CCDC171: variants seen among roughly 807,000 people sequenced by gnomAD.
CCDC171 encodes the protein coiled-coil domain containing 171, also known as coiled-coil domain-containing protein 171.
A neutral mutation model predicts 168.2 loss-of-function variants in CCDC171; 177 were observed. The ratio of observed to expected loss-of-function variants is 1.05; its 90% CI spans 0.93 to 1.19. CCDC171 has a LOEUF of 1.19. CCDC171 is among the 50% of genes most tolerant of loss of function. The pLI, the probability that CCDC171 is intolerant of heterozygous loss-of-function variation, is 0.00. For missense variants in CCDC171, 1,991 were observed against 1,539.0 expected (o/e 1.29, Z -4.91); for synonymous variants, 687 against 540.8 (o/e 1.27, Z -3.75).
At chr9:15,889,359 T>C (rs1419798079) in intron 24 of CCDC171, among the ~76,000 whole-genome samples, 1 of 152,164 alleles carries the variant, frequency 6.6e-6, no homozygotes, top group Non-Finnish European at 1.5e-5. Context: ...AAAGGACATA[T>C]ACTGTTGTTT....
chr9:16,045,375 G>C (rs1387542605), intron 1 of CCDC171, among the ~76,000 whole-genome samples: 5 of 152,194 alleles, frequency 3.3e-5, no homozygotes, highest in Non-Finnish European at 7.3e-5. Flanking sequence ...TTGACATTTT[G>C]AGCTGATGAT....
At chr9:15,821,231 T>C (rs1774763624) in intron 21 of CCDC171, among the ~76,000 whole-genome samples, 1 of 117,550 alleles carries the variant, frequency 8.5e-6, no homozygotes, top group African/African-American at 3.2e-5. Context: ...CCCAGTATCA[T>C]ACTGAATGGA....
intron 6 of CCDC171, 43 bp from the exon 7 acceptor site, chr9:15,623,224 T>C (rs2044649442): frequency 1.4e-6 from 2 of 1,466,534 alleles, no homozygotes; most frequent in African/African-American, 2.8e-5. Context: ...TAGTCATTGA[T>C]GGCTTATAAA....
intron 18 of CCDC171, among the ~76,000 whole-genome samples, chr9:15,761,412 C>G (rs2056437727): frequency 1.3e-5 from 2 of 152,046 alleles, no homozygotes; most frequent in African/African-American, 4.8e-5. Context: ...AGTGCTGAGG[C>G]TTTATTGAAT....
At chr9:15,682,376 A>G (rs2050098277) in intron 10 of CCDC171, among the ~76,000 whole-genome samples, 1 of 151,980 alleles carries the variant, frequency 6.6e-6, no homozygotes, top group Admixed American at 6.6e-5. Context: ...TATAAAACAT[A>G]ATTTTGGAAA....
intron 25 of CCDC171, among the ~76,000 whole-genome samples, chr9:15,966,291 AAG>A (rs1254075711): frequency 6.6e-6 from 1 of 152,192 alleles, no homozygotes; most frequent in Non-Finnish European, 1.5e-5. Flanking sequence ...TCACCCAACA[AAG>A]AGCAGAATTG....
chr9:15,910,880 TC>T (rs1334406952), intron 24 of CCDC171, among the ~76,000 whole-genome samples: 1 of 152,088 alleles, frequency 6.6e-6, no homozygotes, highest in Non-Finnish European at 1.5e-5. Flanking sequence ...ATGAAATCAT[TC>T]TTTTTTATGG....
intron 25 of CCDC171, among the ~76,000 whole-genome samples, chr9:15,951,522 T>TTTTG (rs71304891): frequency 0.32 from 48,393 of 151,370 alleles, 9,550 homozygotes; most frequent in East Asian, 0.61. Flanking sequence ...ATTATCTGTT[T>TTTTG]TTTGTTTGTT....
At chr9:16,026,910 C>T (rs1196034727) in intron 6 of CCDC171, among the ~76,000 whole-genome samples, 1 of 152,166 alleles carries the variant, frequency 6.6e-6, no homozygotes, top group African/African-American at 2.4e-5. Context: ...TAGATTTCCC[C>T]AGTTAACCCT....
chr9:15,567,278 C>A (rs1401824589), intron 2 of CCDC171, among the ~76,000 whole-genome samples: 1 of 152,122 alleles, frequency 6.6e-6, no homozygotes, highest in East Asian at 1.9e-4. Flanking sequence ...CCTCAGCCTC[C>A]CACAGTGCTG....
intron 4 of CCDC171, 32 bp downstream of exon 4, chr9:15,579,055 G>A (rs1265580416): frequency 1.3e-6 from 2 of 1,582,392 alleles, no homozygotes; most frequent in African/African-American, 1.3e-5. Flanking sequence ...CCCAAGTTTA[G>A]GGTTGTAACC....
chr9:15,658,969 G>A (rs548591764), intron 8 of CCDC171, among the ~76,000 whole-genome samples: 65 of 152,322 alleles, frequency 4.3e-4, no homozygotes, highest in Non-Finnish European at 8.4e-4. Context: ...TGCAGTGTGA[G>A]GGGAGGGAAG....
In CCDC171 at chr9:15,636,154, GTA is replaced by G. The variant is rs113221357; in HGVS notation, c.822+12755_822+12756del. On this transcript the variant is annotated intron_variant, in intron 7 of 25. Coordinates refer to ENST00000380701, the MANE Select transcript of CCDC171 (RefSeq NM_173550.4). ...TTTAAAAATGGATTATTTGTACTAT[GTA>G]TATATATATATATCTATAAGATGCT... Among the ~76,000 whole-genome samples the G allele has an allele frequency of 1.5e-4, 23 of 150,228 alleles. 1 individual carries two copies. The highest frequency in any genetic ancestry group is 2.4e-4 in the African/African-American group (10 of 41,004).
At chr9:15,626,919 G>C (rs2045178887) in intron 7 of CCDC171, among the ~76,000 whole-genome samples, 2 of 152,172 alleles carry the variant, frequency 1.3e-5, no homozygotes, top group Admixed American at 6.5e-5. Context: ...ACCTCTGGTA[G>C]AATTTGGTTG....
Position 15,848,916 on chromosome 9 carries a change from A to C in CCDC171, c.3437A>C (p.His1146Pro). 1 of 1,570,688 alleles carries C rather than the reference A, an allele frequency of 6.4e-7. No individual in the cohort carries two copies. The highest frequency in any genetic ancestry group is 8.6e-7 in the Non-Finnish European group (1 of 1,157,488). The change falls in exon 23 of 26, where the codon CAC (histidine) becomes CCC (proline). Residue 1146 changes from histidine (H) to proline (P), a missense_variant. His to Pro is a moderately conservative substitution (Grantham distance 77, BLOSUM62 -2). Coordinates refer to ENST00000380701, the MANE Select transcript of CCDC171 (RefSeq NM_173550.4). ...AGAGACAAAGAATGTGTTGCTAATC[A>C]CATGAGAGCAGTAGAAAATACGCTT... ...AAKDKECVAN[H>P]MRAVENTLHK...
chr9:15,687,052 A>G (rs1421539820), intron 10 of CCDC171, among the ~76,000 whole-genome samples: 1 of 152,228 alleles, frequency 6.6e-6, no homozygotes, highest in Non-Finnish European at 1.5e-5. Context: ...AAATCATACA[A>G]AGTGTCTTCT....
chr9:15,710,784 A>T (rs1489157993), intron 11 of CCDC171, among the ~76,000 whole-genome samples: 1 of 151,706 alleles, frequency 6.6e-6, no homozygotes, highest in East Asian at 1.9e-4. Context: ...TTTAGTAGAG[A>T]TGGGGTTTTG....
At chr9:15,602,464 A>G (rs1470459022) in intron 6 of CCDC171, among the ~76,000 whole-genome samples, 1 of 152,026 alleles carries the variant, frequency 6.6e-6, no homozygotes, top group Non-Finnish European at 1.5e-5. Context: ...GGGCTTTAGA[A>G]TTCAGACCCA....
intron 18 of CCDC171, among the ~76,000 whole-genome samples, chr9:15,772,048 G>C (rs2057040496): frequency 6.6e-6 from 1 of 152,094 alleles, no homozygotes; most frequent in African/African-American, 2.4e-5. Flanking sequence ...TGGCCAGGCT[G>C]GTCTCCAACT....
Sources: allele counts gnomAD v4.1 joint callset (sites outside exome capture counted in the v4.1 genomes callset), GRCh38; gene constraint gnomAD v4.1.1; transcripts MANE v1.5; gene names NCBI Gene and HGNC (gene_info 2026-07-23, HGNC 2026-07-21).